Variants in VPS13B observed in about 807,000 individuals in gnomAD.
VPS13B encodes intermembrane lipid transfer protein VPS13B.
VPS13B carries 285 observed loss-of-function variants against 426.4 expected under a neutral mutation model. The observed-to-expected ratio is 0.67, with a 90% CI of 0.61 to 0.74. VPS13B has a LOEUF of 0.74. Ranked by LOEUF, VPS13B falls within the 30% of genes least tolerant of loss-of-function variation. VPS13B has a pLI of 0.00. For synonymous variants in VPS13B, 1,676 were observed against 1,676.4 expected (o/e 1.00, Z 0.01); for missense variants, 4,537 against 4,782.6 (o/e 0.95, Z 1.51).
chr8:99,237,930 G>T (rs191264477), intron 17 of VPS13B, among the ~76,000 whole-genome samples: 1 of 147,532 alleles, frequency 6.8e-6, no homozygotes, highest in African/African-American at 2.5e-5. Context: ...AATGGCCTTC[G>T]TTTCTCCAAT....
At chr8:99,763,975 C>T (rs1407224485) in intron 39 of VPS13B, among the ~76,000 whole-genome samples, 1 of 152,136 alleles carries the variant, frequency 6.6e-6, no homozygotes. Context: ...TTTATTTCAA[C>T]ATTTAGTCCT....
At chr8:99,418,132 AT>A (rs1816137955) in intron 21 of VPS13B, among the ~76,000 whole-genome samples, 1 of 152,012 alleles carries the variant, frequency 6.6e-6, no homozygotes, top group Non-Finnish European at 1.5e-5. Flanking sequence ...GAGGACTGGG[AT>A]TGTGTTTGTT....
At chr8:99,193,493 GA>G (rs1373162905) in intron 17 of VPS13B, among the ~76,000 whole-genome samples, 1 of 151,886 alleles carries the variant, frequency 6.6e-6, no homozygotes, top group Non-Finnish European at 1.5e-5. Context: ...CACCCTTAAG[GA>G]GTTAATTAAC....
chr8:99,387,429 C>T (rs1814186850), intron 20 of VPS13B, among the ~76,000 whole-genome samples: 1 of 151,868 alleles, frequency 6.6e-6, no homozygotes, highest in African/African-American at 2.4e-5. Flanking sequence ...CACTATATTG[C>T]CCCGGCTCGT....
intron 57 of VPS13B, among the ~76,000 whole-genome samples, chr8:99,860,347 C>T (rs1474450793): frequency 6.6e-6 from 1 of 152,130 alleles, no homozygotes; most frequent in East Asian, 1.9e-4. Flanking sequence ...AAGGACACTC[C>T]CCCAGGCCTC....
Position 99,313,491 on chromosome 8 carries a change from T to C in VPS13B, c.2824+38237T>C, listed in dbSNP as rs1485511764. Among the ~76,000 whole-genome samples the C allele has an allele frequency of 2.6e-5, 4 of 152,320 alleles. No homozygotes were observed. In the East Asian group the frequency reaches 5.8e-4, roughly 22 times the overall value. ...GAGGCTGCAGAACAGCAAATGTTGC[T>C]GAACCACAAATGTTGCTGCCTGATC... On this transcript the variant is annotated intron_variant, in intron 19 of 61. Coordinates refer to ENST00000357162, the MANE Select transcript of VPS13B (RefSeq NM_152564.5).
intron 19 of VPS13B, among the ~76,000 whole-genome samples, chr8:99,340,001 A>G (rs1447053894): frequency 1.3e-5 from 2 of 152,220 alleles, no homozygotes; most frequent in Admixed American, 6.5e-5. Context: ...GGCCTAACCT[A>G]TGTATACTTT....
At chr8:99,443,354 C>T (rs1240779502) in intron 23 of VPS13B, among the ~76,000 whole-genome samples, 1 of 152,104 alleles carries the variant, frequency 6.6e-6, no homozygotes, top group Non-Finnish European at 1.5e-5. Flanking sequence ...GAAATTTCTA[C>T]ATACTGTCAC....
At chr8:99,330,708 GTACCACTGGC>G (rs1340837106) in intron 19 of VPS13B, among the ~76,000 whole-genome samples, 3 of 151,710 alleles carry the variant, frequency 2.0e-5, no homozygotes, top group Non-Finnish European at 4.4e-5. Flanking sequence ...CGTTACAGTG[GTACCACTGGC>G]TACCTCAAGA....
chr8:99,117,456 A>G (rs912992981), intron 7 of VPS13B, among the ~76,000 whole-genome samples: 5 of 152,154 alleles, frequency 3.3e-5, no homozygotes, highest in African/African-American at 1.2e-4. Flanking sequence ...ATATCAAGAG[A>G]ACTGATAACA....
intron 40 of VPS13B, among the ~76,000 whole-genome samples, chr8:99,776,336 A>G (rs1030730022): frequency 1.3e-5 from 2 of 152,238 alleles, no homozygotes; most frequent in African/African-American, 4.8e-5. Context: ...TGAACAATTC[A>G]TAGAGAATAA....
At chr8:99,418,034 G>A (rs530483622) in intron 21 of VPS13B, among the ~76,000 whole-genome samples, 1 of 152,026 alleles carries the variant, frequency 6.6e-6, no homozygotes, top group African/African-American at 2.4e-5. Flanking sequence ...TAATCTCACT[G>A]GTATCTGAAA....
At position 99,418,425 on chromosome 8, in the gene VPS13B, G is replaced by T. The variant is rs911630858; in HGVS notation, c.3083-13112G>T. Among the ~76,000 whole-genome samples, 25 of 151,480 alleles carry T rather than the reference G, an allele frequency of 1.7e-4. 1 individual carries two copies. The highest frequency in any genetic ancestry group is 5.8e-4 in the African/African-American group (24 of 41,472). On this transcript the variant is annotated intron_variant, in intron 21 of 61. Transcript: ENST00000357162. Reference sequence around the variant, plus strand: ...TTAAAAACTATACCATATAGCAATAGATATATGAACAGTTAACACTTTATC... The same window carrying T: ...TTAAAAACTATACCATATAGCAATATATATATGAACAGTTAACACTTTATC...
chr8:99,771,239 T>C (rs1811472115), intron 40 of VPS13B, among the ~76,000 whole-genome samples: 1 of 152,194 alleles, frequency 6.6e-6, no homozygotes, highest in Non-Finnish European at 1.5e-5. Flanking sequence ...AAGACTTTGG[T>C]ACTTTCCTGT....
intron 40 of VPS13B, among the ~76,000 whole-genome samples, chr8:99,771,637 G>A (rs1321937754): frequency 6.6e-6 from 1 of 152,160 alleles, no homozygotes; most frequent in African/African-American, 2.4e-5. Flanking sequence ...AGGAATCAGA[G>A]AAAGCGTGAT....
chr8:99,830,896 C>T (rs1378876208), intron 51 of VPS13B, among the ~76,000 whole-genome samples: 1 of 152,098 alleles, frequency 6.6e-6, no homozygotes, highest in East Asian at 1.9e-4. Flanking sequence ...GGCGACACCC[C>T]ACCCTGCTTC....
chr8:99,085,975 T>C (rs1469682340), intron 3 of VPS13B, among the ~76,000 whole-genome samples: 1 of 152,138 alleles, frequency 6.6e-6, no homozygotes, highest in Non-Finnish European at 1.5e-5. Context: ...TTGTTGCGTT[T>C]TCTGTATTTC....
intron 17 of VPS13B, among the ~76,000 whole-genome samples, chr8:99,261,491 G>A (rs1384409547): frequency 2.0e-5 from 3 of 151,994 alleles, no homozygotes; most frequent in South Asian, 2.1e-4. Context: ...GGTTGCTTTC[G>A]TGTTTTGGCA....
intron 26 of VPS13B, among the ~76,000 whole-genome samples, chr8:99,502,614 T>C (rs1479530202): frequency 6.6e-6 from 1 of 152,192 alleles, no homozygotes; most frequent in African/African-American, 2.4e-5. Context: ...TGATATCAAA[T>C]ATAACACTCC....
Sources: gnomAD v4.1 joint callset for allele counts (sites outside exome capture counted in the v4.1 genomes callset) on GRCh38, gnomAD v4.1.1 for gene constraint, MANE v1.5 for transcripts, NCBI Gene and HGNC (gene_info 2026-07-23, HGNC 2026-07-21) for gene names.